BEND6: variants seen among roughly 807,000 people sequenced by gnomAD.
The protein encoded by BEND6 is BEN domain containing 6.
A neutral mutation model predicts 31.8 loss-of-function variants in BEND6; 24 were observed. The ratio of observed to expected loss-of-function variants is 0.75; its 90% CI spans 0.55 to 1.06. The LOEUF (loss-of-function observed/expected upper bound fraction) is 1.06. BEND6 is among the 50% of genes least tolerant of loss of function. The pLI is 0.00. For missense variants in BEND6, 294 were observed against 327.4 expected (o/e 0.90, Z 0.79); for synonymous variants, 109 against 114.6 (o/e 0.95, Z 0.31).
rs145733195 is a variant in BEND6 at position 56,979,955 on chromosome 6, A to G, written c.-100-1756A>G. On this transcript the variant is annotated intron_variant, in intron 1 of 6. Coordinates refer to ENST00000370746, the MANE Select transcript of BEND6 (RefSeq NM_152731.3). Reference sequence around the variant, plus strand: ...CTAGAATCTGGATTTATAACTTCCTAGAGAATGTCATGCGAGCTACACAGC... The same window carrying G: ...CTAGAATCTGGATTTATAACTTCCTGGAGAATGTCATGCGAGCTACACAGC... Among the ~76,000 whole-genome samples, 830 of 152,332 alleles carry G rather than the reference A, an allele frequency of 5.4e-3. 9 individuals carry two copies. The highest frequency in any genetic ancestry group is 0.018 in the African/African-American group (767 of 41,578).
At position 56,981,732 on chromosome 6, in the gene BEND6, T is replaced by A; in HGVS notation, c.-79T>A. On this transcript the variant is annotated 5_prime_UTR_variant, in exon 2 of 7. Transcript: ENST00000370746. ...TAAGGGAAAGCATTAACTTTTGAGC[T>A]ACGTCCAGAATAGCATCATCTTCAT... 1 of 1,512,236 alleles carries A rather than the reference T, an allele frequency of 6.6e-7. No individual in the cohort carries two copies. The allele number at this position is 1,512,236 out of a possible 1,614,324, so 93.7% of individuals were successfully genotyped here.
chr6:56,964,592 C>T (rs181405013), intron 1 of BEND6, among the ~76,000 whole-genome samples: 94 of 152,190 alleles, frequency 6.2e-4, no homozygotes, highest in Admixed American at 9.8e-4. Flanking sequence ...GCCTCCATCT[C>T]CCAGGCTCAA....
chr6:56,957,412 T>A (rs1304590101), intron 1 of BEND6, among the ~76,000 whole-genome samples: 2 of 152,276 alleles, frequency 1.3e-5, no homozygotes, highest in Admixed American at 1.3e-4. Context: ...TGTTTGTTGC[T>A]AATTTATCAT....
chr6:56,976,714 G>A (rs910825207), intron 1 of BEND6, among the ~76,000 whole-genome samples: 5 of 152,062 alleles, frequency 3.3e-5, no homozygotes, highest in African/African-American at 4.8e-5. Context: ...ACAGGTGCAC[G>A]TCACCACACC....
chr6:57,000,346 G>A (rs1378833853), intron 3 of BEND6, among the ~76,000 whole-genome samples: 1 of 152,038 alleles, frequency 6.6e-6, no homozygotes. Context: ...TGGGTTAAGG[G>A]TGGTGCAAGA....
intron 3 of BEND6, among the ~76,000 whole-genome samples, chr6:57,005,267 T>G (rs1827114393): frequency 6.6e-6 from 1 of 152,188 alleles, no homozygotes; most frequent in Non-Finnish European, 1.5e-5. Flanking sequence ...AGAAAAAAAT[T>G]CATTCACATT....
At chr6:56,982,983 G>A (rs1449118400) in intron 2 of BEND6, among the ~76,000 whole-genome samples, 1 of 152,092 alleles carries the variant, frequency 6.6e-6, no homozygotes, top group African/African-American at 2.4e-5. Flanking sequence ...TGCACTGTGT[G>A]TATTCACCAT....
chr6:56,999,789 C>T (rs997684531), intron 3 of BEND6, among the ~76,000 whole-genome samples: 1 of 152,226 alleles, frequency 6.6e-6, no homozygotes, highest in African/African-American at 2.4e-5. Context: ...CAGCTCTTAC[C>T]TATAAGTGCC....
At chr6:56,992,247 G>T in intron 2 of BEND6, 131 bp from the exon 3 acceptor site, 1 of 1,020,670 alleles carries the variant, frequency 9.8e-7, no homozygotes, top group South Asian at 2.2e-5. Context: ...CAAAGCTGGG[G>T]CTAGATCAGC....
chr6:56,976,566 G>GGTTT (rs572987105), intron 1 of BEND6, among the ~76,000 whole-genome samples: 4 of 150,190 alleles, frequency 2.7e-5, no homozygotes, highest in Non-Finnish European at 5.9e-5. Flanking sequence ...AGGACTGTGG[G>GGTTT]GTTTGTTTGT....
In BEND6 at chr6:57,021,363, C is replaced by T. The variant is rs1827736407; in HGVS notation, c.*9+2806C>T. ...ACAGGAGCCTATGGCCCTGCCCTGCCACCAAAAATATTCTTTGAAAAACTT... is the reference window on the plus strand; with the variant it reads ...ACAGGAGCCTATGGCCCTGCCCTGCTACCAAAAATATTCTTTGAAAAACTT... On this transcript the variant is annotated intron_variant, in intron 6 of 6. Transcript: ENST00000370746. 6.6e-5 allele frequency among the ~76,000 whole-genome samples: 10 copies of T among 152,168 alleles called. No homozygotes were observed. The South Asian group carries it at 2.1e-3, about 32-fold the overall frequency.
At chr6:56,971,168 T>C (rs570136787) in intron 1 of BEND6, among the ~76,000 whole-genome samples, 2 of 152,320 alleles carry the variant, frequency 1.3e-5, no homozygotes, top group Admixed American at 1.3e-4. Flanking sequence ...ATCACCATTC[T>C]ACTTTCCGTC....
chr6:56,992,831 T>A (rs555811282), intron 3 of BEND6, among the ~76,000 whole-genome samples: 5 of 152,330 alleles, frequency 3.3e-5, no homozygotes, highest in Admixed American at 2.6e-4. Context: ...ATTGAGCATT[T>A]AATATACACG....
intron 1 of BEND6, 103 bp from the exon 2 acceptor site, chr6:56,981,608 A>T (rs1001635014): frequency 2.3e-6 from 1 of 435,984 alleles, no homozygotes; most frequent in African/African-American, 2.1e-5. Flanking sequence ...GGAAGAAAGA[A>T]TAGGAAACAT....
At chr6:57,014,392 A>G (rs1369598963) in intron 3 of BEND6, 6 of 969,792 alleles carry the variant, frequency 6.2e-6, no homozygotes, top group African/African-American at 5.1e-5. Flanking sequence ...CCTCAACCAT[A>G]TAGTGAGGAA....
At chr6:56,998,728 C>T (rs770659798) in intron 3 of BEND6, among the ~76,000 whole-genome samples, 1 of 149,060 alleles carries the variant, frequency 6.7e-6, no homozygotes, top group Non-Finnish European at 1.5e-5. Flanking sequence ...TTTAATAAGA[C>T]CCCAAGAGCA....
At position 57,021,441 on chromosome 6, in the gene BEND6, C is replaced by A. The variant is rs1827739151; in HGVS notation, c.*9+2884C>A. Among the ~76,000 whole-genome samples, 5 of 152,194 alleles carry A rather than the reference C, an allele frequency of 3.3e-5. No individual in the cohort carries two copies. The South Asian group carries it at 1.0e-3, about 32-fold the overall frequency. On this transcript the variant is annotated intron_variant, in intron 6 of 6. Coordinates refer to ENST00000370746, the MANE Select transcript of BEND6 (RefSeq NM_152731.3). ...ACCGTGCCCTCCACTCAGTCCTGAG[C>A]TCAGGTTGTCACTGGTGGCTTAGAT... is the stretch of plus-strand genomic sequence containing the variant.
chr6:56,973,417 T>G (rs567609652), intron 1 of BEND6, among the ~76,000 whole-genome samples: 1 of 152,356 alleles, frequency 6.6e-6, no homozygotes, highest in South Asian at 2.1e-4. Flanking sequence ...AACAGTGGGT[T>G]GTACCGAACT....
At position 56,981,864 on chromosome 6, in the gene BEND6, A is replaced by T; in HGVS notation, c.54A>T (p.Lys18Asn). 6.2e-7 allele frequency: 1 copy of T among 1,613,174 alleles called. No individual in the cohort carries two copies. The highest frequency in any genetic ancestry group is 8.5e-7 in the Non-Finnish European group (1 of 1,179,502). ...TTACCAATACACAAGCTTTTAGAAA[A>T]GGAAAGAGGAAAAGAACAGAGACAA... ...DEITNTQAFR[K>N]GKRKRTETMD... The change falls in exon 2 of 7, where the codon AAA becomes AAT. Residue 18 changes from lysine (K) to asparagine (N), a missense_variant. By Grantham distance (94) the Lys-to-Asn change is moderately conservative (BLOSUM62 0). Transcript: ENST00000370746.
Sources: allele counts gnomAD v4.1 joint callset (sites outside exome capture counted in the v4.1 genomes callset), GRCh38; gene constraint gnomAD v4.1.1; transcripts MANE v1.5; gene names NCBI Gene and HGNC (gene_info 2026-07-23, HGNC 2026-07-21).